Variants in UBE2QL1 observed in about 807,000 individuals in gnomAD.
UBE2QL1 encodes ubiquitin-conjugating enzyme E2Q-like protein 1.
Under a neutral mutation model 12.6 loss-of-function variants are expected in UBE2QL1, and 5 were observed. That is an observed-to-expected ratio of 0.40 (90% CI 0.21 to 0.83). The LOEUF is 0.83. UBE2QL1 is among the 40% of genes least tolerant of loss of function. UBE2QL1 has a pLI of 0.37. For missense variants in UBE2QL1, 99 were observed against 222.6 expected, an observed-to-expected ratio of 0.44 and a Z score of 3.53; for synonymous variants, 96 against 94.5, an observed-to-expected ratio of 1.02 and a Z score of -0.10.
intron 1 of UBE2QL1, among the ~76,000 whole-genome samples, chr5:6,483,079 A>ACATG (rs1734394694): frequency 6.6e-6 from 1 of 152,190 alleles, no homozygotes; most frequent in South Asian, 2.1e-4. Flanking sequence ...AGAAGAAAAG[A>ACATG]CATGCTTACT....
chr5:6,465,488 T>C (rs747076234), intron 1 of UBE2QL1, among the ~76,000 whole-genome samples: 1 of 152,200 alleles, frequency 6.6e-6, no homozygotes, highest in African/African-American at 2.4e-5. Flanking sequence ...AACAGAAAAC[T>C]GGGAGATGAG....
intron 1 of UBE2QL1, among the ~76,000 whole-genome samples, chr5:6,490,578 G>A (rs183695384): frequency 3.9e-5 from 6 of 152,194 alleles, no homozygotes. Flanking sequence ...CTCGAGGATG[G>A]GTCTCTTCTT....
In UBE2QL1 at chr5:6,476,084, G is replaced by A. The variant is rs1317973628; in HGVS notation, c.355-15134G>A. 6.6e-6 allele frequency among the ~76,000 whole-genome samples: 1 copy of A among 152,170 alleles called. No homozygotes were observed. Among genetic ancestry groups the A allele is most frequent in the Non-Finnish European group, 1.5e-5 (1 of 68,016 alleles). ...ACACTTTCAGGACTTCAAAATCAGG[G>A]TGGGGTATGCCTGCTTAGTCATGGA... On this transcript the variant is annotated intron_variant, in intron 1 of 1. Coordinates refer to ENST00000399816, the MANE Select transcript of UBE2QL1 (RefSeq NM_001145161.3). This position sits in a 1 kb window ranked among gnomAD's most constrained non-coding sequence, Gnocchi z 4.9.
intron 1 of UBE2QL1, among the ~76,000 whole-genome samples, chr5:6,452,016 CT>C (rs1450910728): frequency 2.6e-5 from 4 of 151,996 alleles, no homozygotes; most frequent in African/African-American, 7.3e-5. Flanking sequence ...CTCGGGATTT[CT>C]TTTTTAGGAT....
chr5:6,494,421 G>A lies in UBE2QL1; in HGVS notation c.*3072G>A, dbSNP rs1462698801. 1 of 152,132 alleles carries A rather than the reference G, an allele frequency of 6.6e-6. No individual in the cohort carries two copies. Among genetic ancestry groups the A allele is most frequent in the Admixed American group, 6.5e-5 (1 of 15,274 alleles). The allele number at this position is 152,132 out of a possible 1,614,324, so 9.4% of individuals were successfully genotyped here. On this transcript the variant is annotated 3_prime_UTR_variant, in exon 2 of 2. Transcript: ENST00000399816. ...TTTTCAGCTCCATCTATCAAAATTTGACCTTTTTTTAAGAGAAAAATATGT... is the reference window on the plus strand; with the variant it reads ...TTTTCAGCTCCATCTATCAAAATTTAACCTTTTTTTAAGAGAAAAATATGT...
chr5:6,493,690 G>A lies in UBE2QL1; in HGVS notation c.*2341G>A, dbSNP rs1455261672. 1 of 151,574 alleles carries A rather than the reference G, an allele frequency of 6.6e-6. No homozygotes were observed. The highest frequency in any genetic ancestry group is 1.9e-4 in the East Asian group (1 of 5,188). The allele number at this position is 151,574 out of a possible 1,614,324, so 9.4% of individuals were successfully genotyped here. A position where few individuals can be genotyped will look rare whatever the true frequency, so the allele number is the denominator to read the frequency against. On this transcript the variant is annotated 3_prime_UTR_variant, in exon 2 of 2. Coordinates refer to ENST00000399816, the MANE Select transcript of UBE2QL1 (RefSeq NM_001145161.3). Reference sequence around the variant, plus strand: ...ATACCATTTTTCACTCAATTGGTAAGAATTTTTCATTTTAAAAGCAGTAGG... The same window carrying A: ...ATACCATTTTTCACTCAATTGGTAAAAATTTTTCATTTTAAAAGCAGTAGG...
chr5:6,470,291 T>C (rs1030959886), intron 1 of UBE2QL1, among the ~76,000 whole-genome samples: 1 of 152,216 alleles, frequency 6.6e-6, no homozygotes. Context: ...ATTATCATTT[T>C]ACAGTGCTTT....
chr5:6,475,701 G>T (rs1734214461), intron 1 of UBE2QL1, among the ~76,000 whole-genome samples: 1 of 151,764 alleles, frequency 6.6e-6, no homozygotes, highest in Admixed American at 6.6e-5. Flanking sequence ...TGAGCATGGG[G>T]GGTGGGGTGG....
chr5:6,479,994 T>C lies in UBE2QL1; in HGVS notation c.355-11224T>C, dbSNP rs1004945326. ...GCTGGCCAGGAGCTCCCTGTTGAGA[T>C]GACATTGAGAGAGACACAGGTAATT... On this transcript the variant is annotated intron_variant, in intron 1 of 1. Coordinates refer to ENST00000399816, the MANE Select transcript of UBE2QL1 (RefSeq NM_001145161.3). This position sits in a 1 kb window ranked among gnomAD's most constrained non-coding sequence, Gnocchi z 4.2. Among the ~76,000 whole-genome samples the C allele has an allele frequency of 1.3e-5, 2 of 152,216 alleles. No homozygotes were observed. Among genetic ancestry groups the C allele is most frequent in the African/African-American group, 4.8e-5 (2 of 41,452 alleles).
chr5:6,494,283 G>A lies in UBE2QL1; in HGVS notation c.*2934G>A, dbSNP rs1176775985. 1 of 152,168 alleles carries A rather than the reference G, an allele frequency of 6.6e-6. No homozygotes were observed. The highest frequency in any genetic ancestry group is 1.5e-5 in the Non-Finnish European group (1 of 68,034). The allele number at this position is 152,168 out of a possible 1,614,324, so 9.4% of individuals were successfully genotyped here. On this transcript the variant is annotated 3_prime_UTR_variant, in exon 2 of 2. Transcript: ENST00000399816. ...TTATGCCTTAGGGAGTTCTATGTGA[G>A]CAGCAAGGTTATTCCCCCTAGTTAC...
chr5:6,471,485 C>T (rs1180152659), intron 1 of UBE2QL1, among the ~76,000 whole-genome samples: 2 of 152,226 alleles, frequency 1.3e-5, no homozygotes, highest in African/African-American at 4.8e-5. Context: ...TGGCTGAAGG[C>T]CTCAGTTCCT....
At chr5:6,486,850 A>G (rs762411321) in intron 1 of UBE2QL1, among the ~76,000 whole-genome samples, 4 of 152,176 alleles carry the variant, frequency 2.6e-5, no homozygotes, top group Non-Finnish European at 4.4e-5. Flanking sequence ...GGGTGCCACT[A>G]GCATCTAGTG....
Position 6,476,562 on chromosome 5 carries a change from A to G in UBE2QL1, c.355-14656A>G, listed in dbSNP as rs1734234426. On this transcript the variant is annotated intron_variant, in intron 1 of 1. Coordinates refer to ENST00000399816, the MANE Select transcript of UBE2QL1 (RefSeq NM_001145161.3). The surrounding 1 kb of genome is among the most constrained non-coding windows in gnomAD (Gnocchi z 4.9). ...ACCTGGGGGGCTCGGTTAAAGAGCC[A>G]CATGCGGCACCCCTCAGGTGTACAC... is the stretch of plus-strand genomic sequence containing the variant. Among the ~76,000 whole-genome samples, 2 of 152,184 alleles carry G rather than the reference A, an allele frequency of 1.3e-5. No individual in the cohort carries two copies. The highest frequency in any genetic ancestry group is 2.9e-5 in the Non-Finnish European group (2 of 68,024).
intron 1 of UBE2QL1, among the ~76,000 whole-genome samples, chr5:6,485,881 G>A (rs1734458910): frequency 6.6e-6 from 1 of 152,140 alleles, no homozygotes; most frequent in South Asian, 2.1e-4. Context: ...AATTCAAAAG[G>A]CTAAGAAATT....
chr5:6,467,380 G>A (rs1322890138), intron 1 of UBE2QL1, among the ~76,000 whole-genome samples: 3 of 152,058 alleles, frequency 2.0e-5, no homozygotes, highest in Admixed American at 6.6e-5. Context: ...GGCAGGGCTG[G>A]ATCCCGAGGC....
rs1408445023 is a variant in UBE2QL1 at position 6,478,581 on chromosome 5, A to C, written c.355-12637A>C. On this transcript the variant is annotated intron_variant, in intron 1 of 1. Transcript: ENST00000399816. The surrounding 1 kb of genome is among the most constrained non-coding windows in gnomAD (Gnocchi z 4.5). The stretch of plus-strand genomic sequence containing the variant: ...TTGACAAATTCATTCCCAGGCTCTG[A>C]TTCCTGTCACATTTCCTAGTGACAT... Among the ~76,000 whole-genome samples, 1 of 150,228 alleles carries C rather than the reference A, an allele frequency of 6.7e-6. No homozygotes were observed. The highest frequency in any genetic ancestry group is 1.9e-4 in the East Asian group (1 of 5,144).
rs533447129 is a variant in UBE2QL1, at chr5:6,479,029, C to T, written c.355-12189C>T. On this transcript the variant is annotated intron_variant, in intron 1 of 1. Coordinates refer to ENST00000399816, the MANE Select transcript of UBE2QL1 (RefSeq NM_001145161.3). This position sits in a 1 kb window ranked among gnomAD's most constrained non-coding sequence, Gnocchi z 4.2. ...CCTGCCCTGGGGGCGTCCCTTCTAT[C>T]GTGTGCAGCATCAGGAGTCTGTTGG... Among the ~76,000 whole-genome samples, 2 of 152,172 alleles carry T rather than the reference C, an allele frequency of 1.3e-5. No individual in the cohort carries two copies. Among genetic ancestry groups the T allele is most frequent in the East Asian group, 3.9e-4 (2 of 5,158 alleles).
intron 1 of UBE2QL1, among the ~76,000 whole-genome samples, chr5:6,469,561 AGT>A (rs763837213): frequency 0.17 from 24,660 of 146,126 alleles, 2,251 homozygotes; most frequent in Non-Finnish European, 0.21. Flanking sequence ...ATATAATCTA[AGT>A]GTGTGTGTGT....
At chr5:6,491,177 CA>C (rs1333310039) in intron 1 of UBE2QL1, 40 bp from the exon 2 acceptor site, 1 of 1,491,798 alleles carries the variant, frequency 6.7e-7, no homozygotes, top group Non-Finnish European at 8.9e-7. Flanking sequence ...ACAGAATTCC[CA>C]GTGACGTTCT....
Sources: gnomAD v4.1 joint callset for allele counts (sites outside exome capture counted in the v4.1 genomes callset) on GRCh38, gnomAD v4.1.1 for gene constraint, Gnocchi (gnomAD v3.1) non-coding constraint, MANE v1.5 for transcripts, NCBI Gene and HGNC (gene_info 2026-07-23, HGNC 2026-07-21) for gene names.